THSD7B: variants seen among roughly 807,000 people sequenced by gnomAD.
THSD7B encodes thrombospondin type-1 domain-containing protein 7B.
Under a neutral mutation model 213.6 loss-of-function variants are expected in THSD7B, and 138 were observed. The ratio of observed to expected loss-of-function variants is 0.65; its 90% confidence interval spans 0.56 to 0.74. The LOEUF is 0.74. Ranked by LOEUF, THSD7B falls within the 30% of genes least tolerant of loss-of-function variation. THSD7B has a pLI of 0.00. For synonymous variants in THSD7B, 742 were observed against 687.0 expected (o/e 1.08, Z -1.25); for missense variants, 1,931 against 1,991.5 (o/e 0.97, Z 0.58).
At chr2:137,435,312 G>A (rs1274657773) in intron 14 of THSD7B, among the ~76,000 whole-genome samples, 1 of 152,124 alleles carries the variant, frequency 6.6e-6, no homozygotes, top group Admixed American at 6.5e-5. Context: ...CCAGGACTTT[G>A]CTTATGTTAT....
At chr2:137,662,120 T>C (rs1246099878) in intron 25 of THSD7B, among the ~76,000 whole-genome samples, 3 of 149,258 alleles carry the variant, frequency 2.0e-5, no homozygotes, top group Non-Finnish European at 4.4e-5. Flanking sequence ...TGGAGTGCAG[T>C]GGCATGATCT....
intron 1 of THSD7B, among the ~76,000 whole-genome samples, chr2:136,846,271 T>C (rs1683009429): frequency 6.6e-6 from 1 of 152,056 alleles, no homozygotes; most frequent in Non-Finnish European, 1.5e-5. Flanking sequence ...TACCCTGGGT[T>C]ATCGTACCCT....
At chr2:136,909,260 TGAG>T (rs1338125506) in intron 2 of THSD7B, among the ~76,000 whole-genome samples, 1 of 151,902 alleles carries the variant, frequency 6.6e-6, no homozygotes, top group Non-Finnish European at 1.5e-5. Context: ...AGGACTGAAA[TGAG>T]GTGTACAGTT....
At chr2:137,211,832 C>G (rs1681119568) in intron 7 of THSD7B, among the ~76,000 whole-genome samples, 1 of 152,034 alleles carries the variant, frequency 6.6e-6, no homozygotes, top group African/African-American at 2.4e-5. Context: ...TGCCTATTAT[C>G]ACATTATGGA....
chr2:136,951,347 ATGTC>A (rs1351808245), intron 2 of THSD7B, among the ~76,000 whole-genome samples: 1 of 152,210 alleles, frequency 6.6e-6, no homozygotes, highest in Non-Finnish European at 1.5e-5. Context: ...AATGATTAAA[ATGTC>A]CTGTAAATTT....
chr2:137,207,061 G>T (rs1201766374), intron 7 of THSD7B, among the ~76,000 whole-genome samples: 1 of 151,980 alleles, frequency 6.6e-6, no homozygotes, highest in Non-Finnish European at 1.5e-5. Context: ...AGGAAGAAAA[G>T]ACATTTTCAT....
intron 4 of THSD7B, among the ~76,000 whole-genome samples, chr2:137,113,890 A>G (rs1688398387): frequency 6.6e-6 from 1 of 152,208 alleles, no homozygotes. Flanking sequence ...TCATGTTACA[A>G]CAAATCCCAG....
At chr2:137,294,869 G>A (rs995803638) in intron 12 of THSD7B, among the ~76,000 whole-genome samples, 16 of 152,016 alleles carry the variant, frequency 1.1e-4, no homozygotes, top group African/African-American at 3.4e-4. Flanking sequence ...TAGGCACTCA[G>A]AAAATATTAG....
chr2:137,354,765 C>T (rs1043339154), intron 12 of THSD7B, among the ~76,000 whole-genome samples: 8 of 151,506 alleles, frequency 5.3e-5, no homozygotes, highest in Non-Finnish European at 1.2e-4. Context: ...CGAAAAACAG[C>T]CCATAAACTC....
chr2:137,562,757 G>C (rs185056205), intron 15 of THSD7B, among the ~76,000 whole-genome samples: 2 of 151,810 alleles, frequency 1.3e-5, no homozygotes, highest in Non-Finnish European at 2.9e-5. Flanking sequence ...AGAAATTTCC[G>C]GTACAAATCA....
intron 20 of THSD7B, among the ~76,000 whole-genome samples, chr2:137,624,203 A>T (rs1682577923): frequency 6.6e-6 from 1 of 152,244 alleles, no homozygotes; most frequent in South Asian, 2.1e-4. Context: ...TCTTTGACAA[A>T]CCTGACAAAA....
intron 2 of THSD7B, among the ~76,000 whole-genome samples, chr2:136,901,302 A>T (rs1684058639): frequency 6.6e-6 from 1 of 152,236 alleles, no homozygotes; most frequent in Non-Finnish European, 1.5e-5. Flanking sequence ...CCGAATATGG[A>T]ACCAGTAGAC....
chr2:137,550,104 G>A (rs1680817027), intron 15 of THSD7B, among the ~76,000 whole-genome samples: 1 of 151,990 alleles, frequency 6.6e-6, no homozygotes, highest in African/African-American at 2.4e-5. Context: ...TTAGACTCTG[G>A]AGTGACCTTC....
In THSD7B at chr2:137,231,214, A is replaced by C. The variant is rs758399921; in HGVS notation, c.1894A>C (p.Ile632Leu). The C allele has an allele frequency of 6.8e-6, 11 of 1,611,354 alleles. No homozygotes were observed. The highest frequency in any genetic ancestry group is 9.3e-6 in the Non-Finnish European group (11 of 1,178,602). The stretch of plus-strand genomic sequence containing the variant: ...TGGGAAACAGACCAGGTCAAGAACT[A>C]TCCTGGCACTGGCTGGGGAAGGTGA... ...SDGKQTRSRT[I>L]LALAGEGGKP... Residue 632 changes from isoleucine to leucine, a missense_variant, in exon 8 of 28, where the codon ATC becomes CTC. By Grantham distance (5) the Ile-to-Leu change is conservative. Coordinates refer to ENST00000409968, the MANE Select transcript of THSD7B (RefSeq NM_001316349.2).
At chr2:136,943,647 A>G (rs1684874179) in intron 2 of THSD7B, among the ~76,000 whole-genome samples, 1 of 152,144 alleles carries the variant, frequency 6.6e-6, no homozygotes, top group Non-Finnish European at 1.5e-5. Flanking sequence ...CATTTCTTCT[A>G]GATTTCTTAG....
In THSD7B at chr2:136,883,349, A is replaced by AAC. The variant is rs1293922080; in HGVS notation, c.139+1033_139+1034insCA. Among the ~76,000 whole-genome samples the AAC allele has an allele frequency of 4.9e-4, 75 of 151,672 alleles. 1 individual carries two copies. The East Asian group carries it at 0.014, about 27-fold the overall frequency. ...CTTTAAAGTCTATTAAGTAAAAAAA[A>AAC]AACACAGCCACCATTAGAGATACAG... is the stretch of plus-strand genomic sequence containing the variant. On this transcript the variant is annotated intron_variant, in intron 2 of 27. Transcript: ENST00000409968.
intron 14 of THSD7B, among the ~76,000 whole-genome samples, chr2:137,423,489 A>G (rs944947467): frequency 2.0e-5 from 3 of 152,086 alleles, no homozygotes; most frequent in African/African-American, 4.8e-5. Flanking sequence ...AGGTCTATAC[A>G]CTAACAATGA....
chr2:137,596,793 T>A (rs1011863682), intron 17 of THSD7B, among the ~76,000 whole-genome samples: 5 of 152,048 alleles, frequency 3.3e-5, no homozygotes, highest in African/African-American at 1.2e-4. Context: ...GGCTATGTTC[T>A]GTGGTCCAGT....
intron 12 of THSD7B, among the ~76,000 whole-genome samples, chr2:137,369,996 C>G (rs1685507737): frequency 6.6e-6 from 1 of 152,022 alleles, no homozygotes; most frequent in African/African-American, 2.4e-5. Flanking sequence ...AAATCTGCCA[C>G]TTTTTGTTGT....
Sources: allele counts gnomAD v4.1 joint callset (sites outside exome capture counted in the v4.1 genomes callset), GRCh38; gene constraint gnomAD v4.1.1; transcripts MANE v1.5; gene names NCBI Gene and HGNC (gene_info 2026-07-23, HGNC 2026-07-21).